The following DLGAP1 variants were observed in gnomAD, a reference collection of about 807,000 sequenced individuals.
DLGAP1 encodes DLG associated protein 1.
DLGAP1 carries 11 observed loss-of-function variants against 90.8 expected under a neutral mutation model. That is an observed-to-expected ratio of 0.12 (90% confidence interval 0.08 to 0.20). DLGAP1 has a LOEUF of 0.20. Ranked by LOEUF, DLGAP1 falls within the 10% of genes least tolerant of loss-of-function variation. DLGAP1 has a pLI of 1.00. For synonymous variants in DLGAP1, 558 were observed against 540.7 expected (o/e 1.03, Z -0.44); for missense variants, 1,050 against 1,333.8 (o/e 0.79, Z 3.31).
intron 7 of DLGAP1, among the ~76,000 whole-genome samples, chr18:3,595,379 T>TA (rs2056521651): frequency 6.6e-6 from 1 of 152,200 alleles, no homozygotes; most frequent in Non-Finnish European, 1.5e-5. Context: ...GGACTTCTAT[T>TA]GAAGTTTGGC....
intron 1 of DLGAP1, among the ~76,000 whole-genome samples, chr18:4,410,275 T>A (rs1598377240): frequency 6.6e-6 from 1 of 152,144 alleles, no homozygotes; most frequent in African/African-American, 2.4e-5. Context: ...TGTAACCAAG[T>A]ACCACATGTA....
intron 5 of DLGAP1, among the ~76,000 whole-genome samples, chr18:3,743,929 C>A (rs2063162747): frequency 6.6e-6 from 1 of 152,204 alleles, no homozygotes; most frequent in African/African-American, 2.4e-5. Flanking sequence ...GGATTAAAGG[C>A]ATGAGCCACT....
intron 5 of DLGAP1, among the ~76,000 whole-genome samples, chr18:3,812,845 T>G (rs1323303103): frequency 1.3e-5 from 2 of 152,230 alleles, no homozygotes; most frequent in African/African-American, 2.4e-5. Context: ...ACTCGACTGC[T>G]TTGATTTTTT....
intron 2 of DLGAP1, among the ~76,000 whole-genome samples, chr18:4,125,819 G>A (rs1169824955): frequency 6.6e-6 from 1 of 152,166 alleles, no homozygotes. Flanking sequence ...CTGTTTTTAT[G>A]TCTTGGTCTC....
chr18:4,278,670 G>A (rs1357562969), intron 1 of DLGAP1, among the ~76,000 whole-genome samples: 1 of 152,022 alleles, frequency 6.6e-6, no homozygotes. Context: ...GTGTATGTGT[G>A]TGTGTGGGTG....
intron 1 of DLGAP1, among the ~76,000 whole-genome samples, chr18:4,317,671 T>C (rs938008398): frequency 1.3e-5 from 2 of 152,192 alleles, no homozygotes; most frequent in African/African-American, 4.8e-5. Context: ...AAGTATCTCT[T>C]TTGTTTTCCT....
At chr18:3,788,101 A>G (rs1485542632) in intron 5 of DLGAP1, among the ~76,000 whole-genome samples, 3 of 152,210 alleles carry the variant, frequency 2.0e-5, no homozygotes, top group Admixed American at 1.3e-4. Context: ...AGAAGAATTT[A>G]CTACCCCTGT....
At chr18:3,942,335 T>C (rs1031341807) in intron 3 of DLGAP1, among the ~76,000 whole-genome samples, 1 of 152,188 alleles carries the variant, frequency 6.6e-6, no homozygotes, top group Non-Finnish European at 1.5e-5. Context: ...GTCTAAGTTG[T>C]TGAAACTAAA....
intron 7 of DLGAP1, among the ~76,000 whole-genome samples, chr18:3,582,796 T>G (rs1163819218): frequency 6.6e-6 from 1 of 152,108 alleles, no homozygotes; most frequent in Admixed American, 6.6e-5. Context: ...TGGTAGCTGC[T>G]GCAACTTGTT....
At chr18:4,444,537 C>T (rs906934931) in intron 1 of DLGAP1, among the ~76,000 whole-genome samples, 2 of 152,158 alleles carry the variant, frequency 1.3e-5, no homozygotes, top group African/African-American at 4.8e-5. Context: ...GTACAAAGTC[C>T]AGGTTGCTCA....
At chr18:3,938,186 A>T (rs2072684652) in intron 3 of DLGAP1, among the ~76,000 whole-genome samples, 1 of 152,242 alleles carries the variant, frequency 6.6e-6, no homozygotes, top group Non-Finnish European at 1.5e-5. Context: ...CTATTGGCCC[A>T]GTCATTGGAA....
chr18:4,169,242 T>C (rs1468047959), intron 1 of DLGAP1, among the ~76,000 whole-genome samples: 1 of 152,224 alleles, frequency 6.6e-6, no homozygotes, highest in African/African-American at 2.4e-5. Flanking sequence ...TATAAACTAA[T>C]GGGTGTGAAG....
rs140431580 is a variant in DLGAP1, at chr18:3,949,850, AAT to A, written c.-73+55264_-73+55265del. On this transcript the variant is annotated intron_variant, in intron 3 of 12. Coordinates refer to ENST00000315677, the MANE Select transcript of DLGAP1 (RefSeq NM_004746.4). The stretch of plus-strand genomic sequence containing the variant: ...CAAATAGCATAAATCACACTGGAAA[AAT>A]ATATCTTATTGAAGACCACCTGTCT... Among the ~76,000 whole-genome samples, 1,194 of 145,654 alleles carry A rather than the reference AAT, an allele frequency of 8.2e-3. 9 individuals carry two copies. The highest frequency in any genetic ancestry group is 0.021 in the South Asian group (93 of 4,482).
chr18:4,074,493 C>G (rs1402623633), intron 2 of DLGAP1, among the ~76,000 whole-genome samples: 1 of 152,046 alleles, frequency 6.6e-6, no homozygotes, highest in Admixed American at 6.6e-5. Flanking sequence ...CCCCTAGAAA[C>G]TCATTTTAAT....
chr18:4,216,066 T>C (rs111643503), intron 1 of DLGAP1, among the ~76,000 whole-genome samples: 13 of 152,214 alleles, frequency 8.5e-5, no homozygotes, highest in African/African-American at 2.9e-4. Flanking sequence ...GGGTAATTTA[T>C]AAAGGAAAGA....
Position 3,880,109 on chromosome 18 carries a change from A to C in DLGAP1, c.-41T>G. On this transcript the variant is annotated 5_prime_UTR_variant, in exon 4 of 13. Transcript: ENST00000315677. The stretch of plus-strand genomic sequence containing the variant: ...GCCGCCAGGGTCATGGACACCCGGA[A>C]GTCAGGCTCCAGACCCGTCTTGGGC... The C allele has an allele frequency of 6.3e-7, 1 of 1,580,198 alleles. No individual in the cohort carries two copies. The highest frequency in any genetic ancestry group is 8.6e-7 in the Non-Finnish European group (1 of 1,165,256).
In DLGAP1 at chr18:4,331,822, T is replaced by A. The variant is rs142534705; in HGVS notation, c.-267+123184A>T. Among the ~76,000 whole-genome samples, 5 of 152,012 alleles carry A rather than the reference T, an allele frequency of 3.3e-5. No individual in the cohort carries two copies. The East Asian group carries it at 9.6e-4, about 29-fold the overall frequency. On this transcript the variant is annotated intron_variant, in intron 1 of 12. Coordinates refer to ENST00000315677, the MANE Select transcript of DLGAP1 (RefSeq NM_004746.4). ...CCTGAGTACTTTCCATTATTAGCAT[T>A]TAAACTGAGACTGCAAGCATGCGAA...
chr18:3,802,095 C>G (rs2066326607), intron 5 of DLGAP1, among the ~76,000 whole-genome samples: 1 of 152,140 alleles, frequency 6.6e-6, no homozygotes. Context: ...AGTGATTATT[C>G]TGCCTCAGCC....
chr18:4,031,125 T>A (rs2074789795), intron 2 of DLGAP1, among the ~76,000 whole-genome samples: 1 of 152,132 alleles, frequency 6.6e-6, no homozygotes, highest in South Asian at 2.1e-4. Flanking sequence ...TGACAAATCA[T>A]TGGTCTGAAT....
Sources: allele counts gnomAD v4.1 joint callset (sites outside exome capture counted in the v4.1 genomes callset), GRCh38; gene constraint gnomAD v4.1.1; transcripts MANE v1.5; gene names NCBI Gene and HGNC (gene_info 2026-07-23, HGNC 2026-07-21).